The following NFAM1 variants were observed in gnomAD, a reference collection of about 807,000 sequenced individuals.
NFAM1 encodes NFAT activating protein with ITAM motif 1.
NFAM1 carries 17 observed loss-of-function variants against 29.0 expected under a neutral mutation model. That is an observed-to-expected ratio of 0.59 (90% CI 0.40 to 0.88). The LOEUF is 0.88. NFAM1 is among the 40% of genes least tolerant of loss of function. NFAM1 has a pLI of 0.00. For missense variants in NFAM1, 324 were observed against 344.6 expected (o/e 0.94, Z 0.47); for synonymous variants, 175 against 147.2 (o/e 1.19, Z -1.36).
chr22:42,421,800 G>C (rs1055434432), intron 1 of NFAM1, among the ~76,000 whole-genome samples: 1 of 152,204 alleles, frequency 6.6e-6, no homozygotes, highest in African/African-American at 2.4e-5. Flanking sequence ...TTAGGCATGG[G>C]GTTTGCCCTC....
chr22:42,433,652 G>T (rs947225633), upstream of NFAM1, among the ~76,000 whole-genome samples: 1 of 152,156 alleles, frequency 6.6e-6, no homozygotes, highest in Non-Finnish European at 1.5e-5. Context: ...CCAATGCCAC[G>T]AGCACTGGGA....
rs894241529 is a variant in NFAM1, at chr22:42,419,982, C to T, written c.122-8246G>A. Among the ~76,000 whole-genome samples the T allele has an allele frequency of 5.3e-5, 7 of 131,098 alleles. No homozygotes were observed. The highest frequency in any genetic ancestry group is 7.8e-5 in the Non-Finnish European group (5 of 63,930). The allele number at this position is 131,098 out of a possible 152,430, so 86.0% of individuals were successfully genotyped here. On this transcript the variant is annotated intron_variant, in intron 1 of 5. Coordinates refer to ENST00000329021, the MANE Select transcript of NFAM1 (RefSeq NM_145912.8). The surrounding 1 kb of genome is among the most constrained non-coding windows in gnomAD (Gnocchi z 4.5). ...CTGGGTCCCTTTGAGTCTGTAATCC[C>T]ACTCTTGGTTTTTTTTTTTTTTTTT...
chr22:42,421,657 G>A (rs990292177), intron 1 of NFAM1, among the ~76,000 whole-genome samples: 1 of 152,038 alleles, frequency 6.6e-6, no homozygotes, highest in African/African-American at 2.4e-5. Flanking sequence ...GGCATCAAGC[G>A]CGCGTTGTCA....
Position 42,401,399 on chromosome 22 carries a change from G to C in NFAM1, c.565-3443C>G, listed in dbSNP as rs117074908. Reference sequence around the variant, plus strand: ...CCGAAGGGCAGTGGGGGCCACCAGGGAAGTGGCTGCAGTTGCATTGTATAA... The same window carrying C: ...CCGAAGGGCAGTGGGGGCCACCAGGCAAGTGGCTGCAGTTGCATTGTATAA... On this transcript the variant is annotated intron_variant, in intron 3 of 5. Transcript: ENST00000329021. Among the ~76,000 whole-genome samples, 238 of 152,308 alleles carry C rather than the reference G, an allele frequency of 1.6e-3. 4 individuals carry two copies. The East Asian group carries it at 0.024, about 16-fold the overall frequency.
chr22:42,434,202 C>T (rs546468610), upstream of NFAM1, among the ~76,000 whole-genome samples: 1 of 152,278 alleles, frequency 6.6e-6, no homozygotes, highest in South Asian at 2.1e-4. Flanking sequence ...GCCTGAGCTG[C>T]CTGTCTTCCT....
At chr22:42,422,909 T>C (rs1003981259) in intron 1 of NFAM1, among the ~76,000 whole-genome samples, 3 of 151,688 alleles carry the variant, frequency 2.0e-5, no homozygotes, top group African/African-American at 4.8e-5. Context: ...GGTCAAGAGT[T>C]TGAGACCAGC....
At chr22:42,393,573 T>G (rs1333739833) in intron 4 of NFAM1, among the ~76,000 whole-genome samples, 1 of 125,378 alleles carries the variant, frequency 8.0e-6, no homozygotes, top group East Asian at 2.1e-4. Context: ...CACGCCTGAC[T>G]AATTTTTTTT....
intron 1 of NFAM1, among the ~76,000 whole-genome samples, chr22:42,416,360 G>C (rs1182175891): frequency 6.6e-6 from 1 of 152,192 alleles, no homozygotes; most frequent in East Asian, 1.9e-4. Context: ...GAGATCATGA[G>C]TGGTGGGGCC....
chr22:42,414,393 TG>T (rs1436300645), intron 1 of NFAM1, among the ~76,000 whole-genome samples: 1 of 151,614 alleles, frequency 6.6e-6, no homozygotes, highest in African/African-American at 2.4e-5. Context: ...TTATCCGAGA[TG>T]GGACAGGGGC....
rs561761696 is a variant in NFAM1 at position 42,405,989 on chromosome 22, C to A, written c.564+3446G>T. ...TGCTTTTTTCGTACCTCAGAGCCTT[C>A]TTGGAAAAGCGATGACATCCCCAGC... On this transcript the variant is annotated intron_variant, in intron 3 of 5. Transcript: ENST00000329021. 7.2e-5 allele frequency among the ~76,000 whole-genome samples: 11 copies of A among 152,232 alleles called. No individual in the cohort carries two copies. In the South Asian group the frequency reaches 2.1e-3, roughly 29 times the overall value.
At chr22:42,403,135 C>T (rs1929783624) in intron 3 of NFAM1, among the ~76,000 whole-genome samples, 1 of 151,856 alleles carries the variant, frequency 6.6e-6, no homozygotes, top group Admixed American at 6.6e-5. Context: ...CCACGCCCGG[C>T]CCCCTCTGTG....
chr22:42,394,896 T>A (rs1024704539), intron 4 of NFAM1, among the ~76,000 whole-genome samples: 1 of 151,480 alleles, frequency 6.6e-6, no homozygotes, highest in African/African-American at 2.4e-5. Flanking sequence ...GGTGGGAGGA[T>A]CACTTGAGCC....
chr22:42,390,034 CGTG>C (rs1929281258), intron 4 of NFAM1, among the ~76,000 whole-genome samples: 1 of 152,062 alleles, frequency 6.6e-6, no homozygotes, highest in Non-Finnish European at 1.5e-5. Flanking sequence ...GCATCAGAGT[CGTG>C]TGTTAGAAAG....
At chr22:42,390,141 C>T (rs1929284732) in intron 4 of NFAM1, among the ~76,000 whole-genome samples, 2 of 152,106 alleles carry the variant, frequency 1.3e-5, no homozygotes, top group South Asian at 2.1e-4. Flanking sequence ...TGGGCTGGGA[C>T]AGAGCCGCCG....
At chr22:42,418,850 G>A (rs528428591) in intron 1 of NFAM1, among the ~76,000 whole-genome samples, 5 of 152,306 alleles carry the variant, frequency 3.3e-5, no homozygotes, top group East Asian at 3.9e-4. Context: ...TGTCCCGGGC[G>A]CTGGCCTGGC....
intron 1 of NFAM1, among the ~76,000 whole-genome samples, chr22:42,430,347 G>A (rs1930756345): frequency 6.6e-6 from 1 of 152,198 alleles, no homozygotes; most frequent in African/African-American, 2.4e-5. Flanking sequence ...ATCACCTGCG[G>A]TCAGGAGTTC....
chr22:42,404,815 T>C (rs9620044), intron 3 of NFAM1, among the ~76,000 whole-genome samples: 3,183 of 149,958 alleles, frequency 0.021, 122 homozygotes, highest in African/African-American at 0.074. Context: ...GGTCGCACCA[T>C]TGTACTCCAG....
chr22:42,402,638 A>AGAGGAT (rs147662601), intron 3 of NFAM1, among the ~76,000 whole-genome samples: 13,971 of 151,876 alleles, frequency 0.092, 813 homozygotes, highest in African/African-American at 0.15. Context: ...CAATGCCATG[A>AGAGGAT]GAGGATGAGG....
upstream of NFAM1, chr22:42,436,952 T>C: frequency 1.1e-6 from 1 of 943,148 alleles, no homozygotes; most frequent in Non-Finnish European, 1.3e-6. Context: ...AAACAGTGAC[T>C]CACCTGCTTG....
Sources: gnomAD v4.1 joint callset for allele counts (sites outside exome capture counted in the v4.1 genomes callset) on GRCh38, gnomAD v4.1.1 for gene constraint, Gnocchi (gnomAD v3.1) non-coding constraint, MANE v1.5 for transcripts, NCBI Gene and HGNC (gene_info 2026-07-23, HGNC 2026-07-21) for gene names.